The following SLC4A4 variants were observed in gnomAD, a reference collection of about 807,000 sequenced individuals.
SLC4A4 encodes the protein electrogenic sodium bicarbonate cotransporter 1.
Under a neutral mutation model 111.5 loss-of-function variants are expected in SLC4A4, and 27 were observed. The observed-to-expected ratio is 0.24, with a 90% CI of 0.18 to 0.33. SLC4A4 has a LOEUF of 0.33. SLC4A4 is among the 10% of genes least tolerant of loss of function. The probability of loss-of-function intolerance (pLI) is 1.00; values close to 1 mark genes in which losing one functional copy is unlikely to be tolerated. For missense variants in SLC4A4, 909 were observed against 1,315.5 expected (o/e 0.69, Z 4.78); for synonymous variants, 443 against 463.4 (o/e 0.96, Z 0.57).
At chr4:71,473,583 G>A (rs1321241136) in intron 14 of SLC4A4, among the ~76,000 whole-genome samples, 6 of 151,794 alleles carry the variant, frequency 4.0e-5, no homozygotes, top group Non-Finnish European at 1.5e-5. Context: ...GATTTATATT[G>A]TAGAATCCAG....
intron 2 of SLC4A4, among the ~76,000 whole-genome samples, chr4:71,119,538 T>C (rs1560729534): frequency 6.6e-6 from 1 of 152,130 alleles, no homozygotes; most frequent in African/African-American, 2.4e-5. Flanking sequence ...TGTGCCACCA[T>C]GGTCACCTGG....
At chr4:71,465,345 G>C (rs1727208628) in intron 12 of SLC4A4, among the ~76,000 whole-genome samples, 1 of 151,652 alleles carries the variant, frequency 6.6e-6, no homozygotes, top group African/African-American at 2.4e-5. Flanking sequence ...TTAATGTTCA[G>C]ATTTATAGCT....
intron 23 of SLC4A4, among the ~76,000 whole-genome samples, chr4:71,562,553 T>C (rs1737087365): frequency 6.6e-6 from 1 of 151,908 alleles, no homozygotes; most frequent in South Asian, 2.1e-4. Context: ...ATTTGTTTTA[T>C]CAGAGAGTAG....
chr4:71,264,404 A>C (rs1251637114), intron 3 of SLC4A4, among the ~76,000 whole-genome samples: 1 of 152,192 alleles, frequency 6.6e-6, no homozygotes, highest in Non-Finnish European at 1.5e-5. Context: ...CCACAAGATA[A>C]ACCAATTATA....
chr4:71,079,561 A>G (rs1039547750), intron 1 of SLC4A4, among the ~76,000 whole-genome samples: 1 of 152,094 alleles, frequency 6.6e-6, no homozygotes, highest in African/African-American at 2.4e-5. Context: ...GGATTACTTA[A>G]GCTCAGAAGT....
chr4:71,485,472 C>T (rs1185030994), intron 14 of SLC4A4, among the ~76,000 whole-genome samples: 1 of 151,618 alleles, frequency 6.6e-6, no homozygotes, highest in African/African-American at 2.4e-5. Context: ...ACCTTGCATA[C>T]CAGGGATAAA....
At chr4:71,560,855 A>G (rs1410982783) in intron 23 of SLC4A4, among the ~76,000 whole-genome samples, 1 of 151,806 alleles carries the variant, frequency 6.6e-6, no homozygotes, top group African/African-American at 2.4e-5. Flanking sequence ...TTAGTGTCAT[A>G]GTCCAGAGGG....
chr4:71,333,569 T>C (rs1266404852), intron 3 of SLC4A4, among the ~76,000 whole-genome samples: 1 of 152,202 alleles, frequency 6.6e-6, no homozygotes, highest in African/African-American at 2.4e-5. Context: ...GTCCAAGGGC[T>C]CTTCAGTCAC....
chr4:71,220,934 C>A (rs1718711497), intron 1 of SLC4A4, among the ~76,000 whole-genome samples: 1 of 152,142 alleles, frequency 6.6e-6, no homozygotes, highest in African/African-American at 2.4e-5. Context: ...AAGTTCTTGT[C>A]ATTTAGCTCC....
intron 6 of SLC4A4, among the ~76,000 whole-genome samples, chr4:71,379,913 T>C (rs1717943681): frequency 6.6e-6 from 1 of 152,144 alleles, no homozygotes; most frequent in East Asian, 1.9e-4. Flanking sequence ...TTGGGGCTTT[T>C]TTGAAGAAAC....
At chr4:71,271,445 TTTGAGGGGTC>T (rs1722695154) in intron 3 of SLC4A4, among the ~76,000 whole-genome samples, 1 of 152,114 alleles carries the variant, frequency 6.6e-6, no homozygotes, top group African/African-American at 2.4e-5. Flanking sequence ...CTACAAAAGA[TTTGAGGGGTC>T]TTGAAATAAT....
chr4:71,354,154 C>T (rs145257295), intron 5 of SLC4A4, among the ~76,000 whole-genome samples: 19 of 151,954 alleles, frequency 1.3e-4, no homozygotes, highest in African/African-American at 3.6e-4. Context: ...CGTATGAAGC[C>T]GAGTCTATGG....
chr4:71,319,662 TAATATAATA>T (rs1726965612), intron 3 of SLC4A4, among the ~76,000 whole-genome samples: 1 of 152,084 alleles, frequency 6.6e-6, no homozygotes, highest in Non-Finnish European at 1.5e-5. Flanking sequence ...GTAGATTGCT[TAATATAATA>T]GCATTATCTG....
chr4:71,357,990 C>A (rs1730435366), intron 6 of SLC4A4, among the ~76,000 whole-genome samples: 1 of 152,024 alleles, frequency 6.6e-6, no homozygotes, highest in Non-Finnish European at 1.5e-5. Context: ...TTAGGTCTAT[C>A]CTCCCATCCC....
chr4:71,251,099 G>A (rs1398023910), intron 2 of SLC4A4, among the ~76,000 whole-genome samples: 1 of 152,148 alleles, frequency 6.6e-6, no homozygotes, highest in Non-Finnish European at 1.5e-5. Flanking sequence ...TACATATAGA[G>A]GCATATGTTG....
chr4:71,189,754 C>G (rs546756798), intron 1 of SLC4A4, among the ~76,000 whole-genome samples: 1 of 152,320 alleles, frequency 6.6e-6, no homozygotes, highest in South Asian at 2.1e-4. Flanking sequence ...CTGAGAGACT[C>G]TGCTGGACTT....
intron 17 of SLC4A4, 48 bp from the exon 18 acceptor site, chr4:71,534,179 T>G: frequency 6.4e-7 from 1 of 1,570,518 alleles, no homozygotes; most frequent in African/African-American, 1.3e-5. Context: ...CCAAATAGTA[T>G]ATATTAACCT....
At chr4:71,385,577 A>G (rs1361281295) in intron 6 of SLC4A4, among the ~76,000 whole-genome samples, 2 of 152,156 alleles carry the variant, frequency 1.3e-5, no homozygotes, top group African/African-American at 4.8e-5. Flanking sequence ...AAATACATGA[A>G]TAGAATTTAT....
intron 2 of SLC4A4, among the ~76,000 whole-genome samples, chr4:71,250,777 A>G (rs953254879): frequency 6.6e-6 from 1 of 152,206 alleles, no homozygotes; most frequent in Non-Finnish European, 1.5e-5. Context: ...TGTTTTACAG[A>G]ACACACCATC....
Sources: gnomAD v4.1 joint callset for allele counts (sites outside exome capture counted in the v4.1 genomes callset) on GRCh38, gnomAD v4.1.1 for gene constraint, MANE v1.5 for transcripts, NCBI Gene and HGNC (gene_info 2026-07-23, HGNC 2026-07-21) for gene names.